SGSM1: variants seen among roughly 807,000 people sequenced by gnomAD.
SGSM1 encodes the protein RUN and TBC1 domain containing 2.
In SGSM1, 73 loss-of-function variants were observed where a neutral mutation model predicts 133.8. That is an observed-to-expected ratio of 0.55 (90% CI 0.45 to 0.66). SGSM1 has a LOEUF of 0.66. Among genes scored for constraint, SGSM1 ranks in the 30% least tolerant of loss-of-function variants. The pLI is 0.00. For synonymous variants in SGSM1, 563 were observed against 573.0 expected (o/e 0.98, Z 0.25); for missense variants, 1,213 against 1,448.1 (o/e 0.84, Z 2.64).
In SGSM1 at chr22:24,895,295, A is replaced by G. The variant is rs1417618464; in HGVS notation, c.2022+4A>G. 2.5e-6 allele frequency: 4 copies of G among 1,610,068 alleles called. No homozygotes were observed. Among genetic ancestry groups the G allele is most frequent in the Non-Finnish European group, 3.4e-6 (4 of 1,178,402 alleles). On this transcript the variant is annotated splice_donor_region_variant and intron_variant, in intron 18 of 24. Coordinates refer to ENST00000400358, the MANE Select transcript of SGSM1 (RefSeq NM_001098497.3). Reference sequence around the variant, plus strand: ...CGACTCCAGCAGCAGCACACAGGTGACCTTGTGGAGGCCTCGCCCCCTCCC... The same window carrying G: ...CGACTCCAGCAGCAGCACACAGGTGGCCTTGTGGAGGCCTCGCCCCCTCCC...
rs1460177094 is a variant in SGSM1, at chr22:24,893,488, G to T, written c.1828G>T (p.Glu610Ter). 4 of 1,613,744 alleles carry T rather than the reference G, an allele frequency of 2.5e-6. No homozygotes were observed. The highest frequency in any genetic ancestry group is 1.3e-5 in the African/African-American group (1 of 74,910). ...GACCATGGCTGAGTGGCTGGGCTGC[G>T]AGGCGATCGTGCGGCAGAGGGAGCG... ...AQTMAEWLGC[E>*]AIVRQRERES... Residue 610 changes from glutamate to a stop codon, truncating the protein, a stop_gained, in exon 17 of 25, where the codon GAG becomes TAG. Transcript: ENST00000400358. LOFTEE classifies it high-confidence loss of function.
intron 19 of SGSM1, 53 bp downstream of exon 19, chr22:24,898,612 TG>T: frequency 6.7e-7 from 1 of 1,503,556 alleles, no homozygotes; most frequent in Non-Finnish European, 9.0e-7. Flanking sequence ...TGCAGGAGGG[TG>T]GGATGTACTA....
chr22:24,836,035 C>A (rs1929407790), intron 2 of SGSM1, among the ~76,000 whole-genome samples: 1 of 152,142 alleles, frequency 6.6e-6, no homozygotes, highest in East Asian at 1.9e-4. Flanking sequence ...AGTACATTTA[C>A]ATTCTTGTGT....
At chr22:24,919,023 G>T (rs560511584) in intron 23 of SGSM1, among the ~76,000 whole-genome samples, 1 of 147,754 alleles carries the variant, frequency 6.8e-6, no homozygotes, top group Non-Finnish European at 1.5e-5. Flanking sequence ...TTACAGGTGT[G>T]AGCCACCACA....
chr22:24,829,962 G>A (rs1442233617), intron 2 of SGSM1, among the ~76,000 whole-genome samples: 4 of 152,198 alleles, frequency 2.6e-5, no homozygotes, highest in African/African-American at 9.7e-5. Flanking sequence ...GGAATGGGGA[G>A]AGGGTGAGCT....
chr22:24,821,298 A>G (rs1287507843), intron 2 of SGSM1, among the ~76,000 whole-genome samples: 2 of 152,172 alleles, frequency 1.3e-5, no homozygotes, highest in African/African-American at 4.8e-5. Context: ...CGGCCTCCCA[A>G]AGTGCTGGGA....
rs563217962 is a variant in SGSM1, at chr22:24,905,444, A to G, written c.2818+257A>G. On this transcript the variant is annotated intron_variant, in intron 21 of 24. Coordinates refer to ENST00000400358, the MANE Select transcript of SGSM1 (RefSeq NM_001098497.3). Reference sequence around the variant, plus strand: ...GAATGAGAACAAACAAACAAAACAAAAAACAAACCCAGACGGCTTCACTGG... The same window carrying G: ...GAATGAGAACAAACAAACAAAACAAGAAACAAACCCAGACGGCTTCACTGG... Among the ~76,000 whole-genome samples, 5 of 152,294 alleles carry G rather than the reference A, an allele frequency of 3.3e-5. No homozygotes were observed. The East Asian group carries it at 9.6e-4, about 29-fold the overall frequency.
At chr22:24,864,693 C>T (rs768584517) in intron 9 of SGSM1, among the ~76,000 whole-genome samples, 1 of 152,130 alleles carries the variant, frequency 6.6e-6, no homozygotes, top group Non-Finnish European at 1.5e-5. Flanking sequence ...GAAGACTGAT[C>T]GCAAACAGGC....
Position 24,924,529 on chromosome 22 carries a change from A to AGGTGGAGGTTGTT in SGSM1, c.*264_*276dup, listed in dbSNP as rs1229387459. 4.0e-6 allele frequency: 2 copies of AGGTGGAGGTTGTT among 502,302 alleles called. No homozygotes were observed. Among genetic ancestry groups the AGGTGGAGGTTGTT allele is most frequent in the Non-Finnish European group, 7.2e-6 (2 of 279,052 alleles). 31.1% of individuals were successfully genotyped at this position (502,302 alleles called of 1,614,324 possible). ...AAGTCTGGCGTTCCTCCCTTGCAGG[A>AGGTGGAGGTTGTT]GGTGGAGGTTGTTGGTGGAGGAGGA... On this transcript the variant is annotated 3_prime_UTR_variant, in exon 25 of 25. Transcript: ENST00000400358.
In SGSM1 at chr22:24,861,188, A is replaced by T. The variant is rs568330505; in HGVS notation, c.926+1348A>T. ...GCCAACATGGTGAAACCCTGTCTCT[A>T]CTAAAAATACAAAACTTAGCTGGGC... On this transcript the variant is annotated intron_variant, in intron 9 of 24. Coordinates refer to ENST00000400358, the MANE Select transcript of SGSM1 (RefSeq NM_001098497.3). 3.5e-3 allele frequency among the ~76,000 whole-genome samples: 523 copies of T among 150,766 alleles called. 3 individuals carry two copies. The highest frequency in any genetic ancestry group is 0.012 in the African/African-American group (501 of 41,132).
At position 24,925,129 on chromosome 22, in the gene SGSM1, G is replaced by A. The variant is rs1934153968; in HGVS notation, c.*855G>A. The A allele has an allele frequency of 6.6e-6, 1 of 152,244 alleles. No individual in the cohort carries two copies. Among genetic ancestry groups the A allele is most frequent in the African/African-American group, 2.4e-5 (1 of 41,422 alleles). The allele number at this position is 152,244 out of a possible 1,614,324, so 9.4% of individuals were successfully genotyped here. A position where few individuals can be genotyped will look rare whatever the true frequency, so the allele number is the denominator to read the frequency against. ...TCCCAGCACTTTGGGAGGCTAAGGT[G>A]GGCGGATCACAAGGTCAGGAGTTTT... On this transcript the variant is annotated 3_prime_UTR_variant, in exon 25 of 25. Transcript: ENST00000400358.
chr22:24,822,034 G>A (rs553381331), intron 2 of SGSM1, among the ~76,000 whole-genome samples: 87 of 151,670 alleles, frequency 5.7e-4, no homozygotes, highest in Non-Finnish European at 1.1e-3. Flanking sequence ...GTATCATGAG[G>A]AGAGTGTTTC....
At chr22:24,916,676 C>T in intron 22 of SGSM1, among the ~76,000 whole-genome samples, 1 of 150,824 alleles carries the variant, frequency 6.6e-6, no homozygotes, top group East Asian at 1.9e-4. Context: ...TCAGCCTGGG[C>T]AATAGAGTGA....
intron 21 of SGSM1, among the ~76,000 whole-genome samples, chr22:24,910,164 A>T (rs1216809052): frequency 6.6e-6 from 1 of 152,156 alleles, no homozygotes; most frequent in African/African-American, 2.4e-5. Flanking sequence ...AGACAGAAAG[A>T]CTAGTCGTTG....
chr22:24,887,494 G>C (rs935950414), intron 16 of SGSM1, among the ~76,000 whole-genome samples: 10 of 152,160 alleles, frequency 6.6e-5, no homozygotes, highest in African/African-American at 2.4e-4. Flanking sequence ...TTGCTAGACA[G>C]CTGAGTTGTT....
Position 24,855,370 on chromosome 22 carries a change from G to C in SGSM1, c.609G>C (p.Arg203Ser), listed in dbSNP as rs780652120. 1 of 1,613,626 alleles carries C rather than the reference G, an allele frequency of 6.2e-7. No individual in the cohort carries two copies. The change falls in exon 7 of 25, where the codon AGG becomes AGC. Residue 203 changes from arginine (R) to serine (S), a missense_variant. By Grantham distance (110) the Arg-to-Ser change is moderately radical. Coordinates refer to ENST00000400358, the MANE Select transcript of SGSM1 (RefSeq NM_001098497.3). ...TDPSADELVQ[R>S]HRIHSSHVRQ... Reference sequence around the variant, plus strand: ...CCTCGGCTGACGAACTTGTCCAGAGGCACCGCATCCACAGCTCCCACGTGC... The same window carrying C: ...CCTCGGCTGACGAACTTGTCCAGAGCCACCGCATCCACAGCTCCCACGTGC...
chr22:24,846,908 T>C (rs1930183158), intron 3 of SGSM1, among the ~76,000 whole-genome samples: 1 of 151,928 alleles, frequency 6.6e-6, no homozygotes, highest in Non-Finnish European at 1.5e-5. Flanking sequence ...TGGCGCGATC[T>C]CAGCTCACTG....
At chr22:24,834,863 CT>C (rs1929333788) in intron 2 of SGSM1, among the ~76,000 whole-genome samples, 1 of 151,614 alleles carries the variant, frequency 6.6e-6, no homozygotes, top group Non-Finnish European at 1.5e-5. Flanking sequence ...CTGGATCTTC[CT>C]GGTTATGCTG....
chr22:24,868,124 T>C (rs912651993), intron 10 of SGSM1, among the ~76,000 whole-genome samples: 1 of 152,152 alleles, frequency 6.6e-6, no homozygotes, highest in African/African-American at 2.4e-5. Context: ...TGGTGGTTAA[T>C]GTCAGGGAGG....
Sources: gnomAD v4.1 joint callset for allele counts (sites outside exome capture counted in the v4.1 genomes callset) on GRCh38, gnomAD v4.1.1 for gene constraint, MANE v1.5 for transcripts, NCBI Gene and HGNC (gene_info 2026-07-23, HGNC 2026-07-21) for gene names.